EVL: variants seen among roughly 807,000 people sequenced by gnomAD.
EVL encodes ena/VASP-like protein.
Under a neutral mutation model 59.6 loss-of-function variants are expected in EVL, and 21 were observed. The observed-to-expected ratio is 0.35, with a 90% CI of 0.25 to 0.51. The LOEUF (loss-of-function observed/expected upper bound fraction) is 0.51. EVL is among the 20% of genes least tolerant of loss of function. The probability of loss-of-function intolerance (pLI) is 0.97; values close to 1 mark genes in which losing one functional copy is unlikely to be tolerated. For missense variants in EVL, 462 were observed against 546.6 expected, an observed-to-expected ratio of 0.85 and a Z score of 1.54; for synonymous variants, 198 against 203.5, an observed-to-expected ratio of 0.97 and a Z score of 0.23.
intron 1 of EVL, among the ~76,000 whole-genome samples, chr14:99,978,692 A>G (rs971016885): frequency 1.3e-5 from 2 of 152,232 alleles, no homozygotes; most frequent in African/African-American, 4.8e-5. Flanking sequence ...TTTATAAGCA[A>G]TTTGGTTTAC....
chr14:100,028,135 T>TTTGTTTG (rs1555413984), intron 1 of EVL, among the ~76,000 whole-genome samples: 194 of 71,096 alleles, frequency 2.7e-3, no homozygotes, highest in African/African-American at 7.6e-3. Flanking sequence ...TGTTTGTTTG[T>TTTGTTTG]TTTTTTTTTT....
At chr14:100,106,573 T>A (rs961489775) in intron 3 of EVL, 5 of 320,630 alleles carry the variant, frequency 1.6e-5, no homozygotes, top group Non-Finnish European at 5.6e-6. Context: ...GCTTCTCTTT[T>A]CTCTCTCCTT....
intron 9 of EVL, chr14:100,137,360 G>A: frequency 1.7e-6 from 1 of 591,324 alleles, no homozygotes; most frequent in Middle Eastern, 4.5e-4. Flanking sequence ...ACAGTGAAGG[G>A]CTCAGAACCA....
intron 1 of EVL, among the ~76,000 whole-genome samples, chr14:100,046,185 C>G (rs1239842868): frequency 6.6e-6 from 1 of 152,172 alleles, no homozygotes; most frequent in Non-Finnish European, 1.5e-5. Context: ...CCAAGATACT[C>G]CAATGAGCAT....
At chr14:100,017,007 G>A (rs1428456250) in intron 1 of EVL, among the ~76,000 whole-genome samples, 1 of 152,202 alleles carries the variant, frequency 6.6e-6, no homozygotes. Context: ...GGCAGCCTGA[G>A]CTGGTTGGAT....
At position 100,097,564 on chromosome 14, in the gene EVL, G is replaced by A; in HGVS notation, c.264G>A (p.Gln88=). The change falls in exon 3 of 14, where the codon CAG becomes CAA. Residue 88 remains glutamine (Q), a synonymous_variant. Transcript: ENST00000392920. ...TCCACCAGTGGCGAGATGCCCGCCA[G>A]GTCTACGGCTTAAACTTTGCAAGTA... ...PTFHQWRDAR[Q]VYGLNFASKE... is the part of the protein sequence containing the mutation. 1 of 1,614,248 alleles carries A rather than the reference G, an allele frequency of 6.2e-7. No homozygotes were observed. The highest frequency in any genetic ancestry group is 8.5e-7 in the Non-Finnish European group (1 of 1,180,038).
At chr14:100,026,684 C>G (rs926676803) in intron 1 of EVL, among the ~76,000 whole-genome samples, 4 of 152,236 alleles carry the variant, frequency 2.6e-5, no homozygotes, top group African/African-American at 9.6e-5. Flanking sequence ...ATTAGTTTCT[C>G]TCACATCTTC....
chr14:100,131,897 G>T (rs968808581), intron 7 of EVL, among the ~76,000 whole-genome samples: 1 of 152,160 alleles, frequency 6.6e-6, no homozygotes, highest in African/African-American at 2.4e-5. Context: ...AAAGAAGGGG[G>T]CCCCTGCTGT....
chr14:100,084,943 T>C, intron 2 of EVL, 88 bp downstream of exon 2: 1 of 1,449,138 alleles, frequency 6.9e-7, no homozygotes, highest in Non-Finnish European at 9.4e-7. Flanking sequence ...CATTAAGAGG[T>C]CAGAACAAAA....
chr14:99,982,970 G>A (rs2060817349), intron 1 of EVL, among the ~76,000 whole-genome samples: 2 of 152,160 alleles, frequency 1.3e-5, no homozygotes, highest in Non-Finnish European at 2.9e-5. Context: ...AGGGTTTTGT[G>A]AGGATCAAAT....
intron 1 of EVL, among the ~76,000 whole-genome samples, chr14:100,005,902 C>T (rs2060975771): frequency 6.6e-6 from 1 of 151,866 alleles, no homozygotes; most frequent in African/African-American, 2.4e-5. Flanking sequence ...CGACAGCCAT[C>T]ACTCTTTTGG....
intron 1 of EVL, among the ~76,000 whole-genome samples, chr14:100,055,196 T>C (rs1286836832): frequency 7.1e-6 from 1 of 139,874 alleles, no homozygotes; most frequent in Non-Finnish European, 1.6e-5. Flanking sequence ...TGAGACTCCT[T>C]AAAAAAAAAA....
intron 3 of EVL, among the ~76,000 whole-genome samples, chr14:100,120,514 G>A (rs1216100940): frequency 2.0e-5 from 3 of 152,230 alleles, no homozygotes; most frequent in Non-Finnish European, 2.9e-5. Context: ...AGGAGCATGA[G>A]GACCTGGGGA....
chr14:100,004,759 A>C (rs1018209092), intron 1 of EVL, among the ~76,000 whole-genome samples: 1 of 152,174 alleles, frequency 6.6e-6, no homozygotes, highest in Non-Finnish European at 1.5e-5. Context: ...AACTTTCTAT[A>C]TATTTCTCTT....
intron 3 of EVL, among the ~76,000 whole-genome samples, chr14:100,121,235 G>A (rs1277979150): frequency 6.6e-6 from 1 of 152,158 alleles, no homozygotes; most frequent in Non-Finnish European, 1.5e-5. Flanking sequence ...CTGCTGCTTG[G>A]AGCTTCCCAA....
intron 5 of EVL, among the ~76,000 whole-genome samples, 175 bp downstream of exon 5, chr14:100,126,946 G>T (rs994606826): frequency 2.0e-5 from 3 of 152,318 alleles, no homozygotes; most frequent in South Asian, 2.1e-4. Context: ...CAGAGCAGAG[G>T]CTTGGGGAGT....
At chr14:100,129,442 C>T (rs1405476072) in intron 6 of EVL, 121 bp from the exon 7 acceptor site, 2 of 1,429,010 alleles carry the variant, frequency 1.4e-6, no homozygotes, top group African/African-American at 1.4e-5. Flanking sequence ...CCCTGAGGCC[C>T]CTTGCAGTGC....
At chr14:100,059,703 AG>A (rs2061789948) in intron 1 of EVL, among the ~76,000 whole-genome samples, 1 of 151,992 alleles carries the variant, frequency 6.6e-6, no homozygotes. Context: ...CTTTAGGAGT[AG>A]GACTGTGCTC....
intron 13 of EVL, chr14:100,142,011 G>A (rs1889202174): frequency 2.2e-6 from 1 of 450,332 alleles, no homozygotes. Context: ...CTGGTAGCAT[G>A]ACACCCGAAT....
Sources: allele counts gnomAD v4.1 joint callset (sites outside exome capture counted in the v4.1 genomes callset), GRCh38; gene constraint gnomAD v4.1.1; transcripts MANE v1.5; gene names NCBI Gene and HGNC (gene_info 2026-07-23, HGNC 2026-07-21).